NKAIN2: variants seen among roughly 807,000 people sequenced by gnomAD.
The protein encoded by NKAIN2 is sodium/potassium transporting ATPase interacting 2.
Under a neutral mutation model 32.6 loss-of-function variants are expected in NKAIN2, and 14 were observed. The observed-to-expected ratio is 0.43, with a 90% CI of 0.28 to 0.67. NKAIN2 has a LOEUF of 0.67. Among genes scored for constraint, NKAIN2 ranks in the 30% least tolerant of loss-of-function variants. NKAIN2 has a pLI of 0.17. For synonymous variants in NKAIN2, 80 were observed against 87.2 expected (o/e 0.92, Z 0.46); for missense variants, 198 against 258.3 (o/e 0.77, Z 1.60).
intron 1 of NKAIN2, among the ~76,000 whole-genome samples, chr6:123,950,620 A>T (rs1023811955): frequency 1.3e-5 from 2 of 151,516 alleles, no homozygotes; most frequent in African/African-American, 2.4e-5. Context: ...GATCTTTTGT[A>T]TTTGTATGGT....
At chr6:124,028,817 ATGTG>A in intron 1 of NKAIN2, among the ~76,000 whole-genome samples, 5 of 141,384 alleles carry the variant, frequency 3.5e-5, no homozygotes, top group African/African-American at 1.4e-4. Context: ...ATATACGTAT[ATGTG>A]TATATATATA....
intron 3 of NKAIN2, among the ~76,000 whole-genome samples, chr6:124,479,057 A>T (rs1158537955): frequency 6.6e-6 from 1 of 152,108 alleles, no homozygotes; most frequent in Non-Finnish European, 1.5e-5. Flanking sequence ...GACAAACACA[A>T]ATGGAGGGAT....
intron 1 of NKAIN2, among the ~76,000 whole-genome samples, chr6:123,821,644 G>T (rs1175827033): frequency 1.3e-5 from 2 of 152,150 alleles, no homozygotes; most frequent in Non-Finnish European, 2.9e-5. Context: ...TTTATACTGT[G>T]AGGGAGGCCT....
chr6:124,431,917 A>T (rs1775233907), intron 3 of NKAIN2, among the ~76,000 whole-genome samples: 1 of 152,208 alleles, frequency 6.6e-6, no homozygotes. Flanking sequence ...TATTTCACAT[A>T]TTTCAGATAC....
At chr6:124,486,609 G>T (rs530444787) in intron 3 of NKAIN2, among the ~76,000 whole-genome samples, 3 of 152,274 alleles carry the variant, frequency 2.0e-5, no homozygotes, top group South Asian at 2.1e-4. Flanking sequence ...TTGTCTAATA[G>T]TCTAGAAATA....
intron 3 of NKAIN2, among the ~76,000 whole-genome samples, chr6:124,498,182 G>A (rs566247030): frequency 2.1e-4 from 32 of 152,272 alleles, no homozygotes; most frequent in African/African-American, 7.7e-4. Flanking sequence ...CTGCACTCTT[G>A]AATACGAACT....
At chr6:124,009,984 A>G (rs887217923) in intron 1 of NKAIN2, among the ~76,000 whole-genome samples, 10 of 152,274 alleles carry the variant, frequency 6.6e-5, no homozygotes, top group African/African-American at 1.7e-4. Context: ...GCCTTCGTTC[A>G]TAAATCTTTC....
chr6:124,815,028 T>C (rs1781080297), intron 5 of NKAIN2, among the ~76,000 whole-genome samples: 1 of 151,772 alleles, frequency 6.6e-6, no homozygotes. Flanking sequence ...TCTTGATCTA[T>C]TGTAACCCAC....
chr6:124,804,562 C>T (rs927379946), intron 5 of NKAIN2: 12 of 191,576 alleles, frequency 6.3e-5, no homozygotes, highest in Middle Eastern at 2.6e-3. Context: ...CCAGCGTGAG[C>T]GACGCAGAAG....
At chr6:124,415,883 T>TTG (rs1379811308) in intron 3 of NKAIN2, among the ~76,000 whole-genome samples, 2 of 147,048 alleles carry the variant, frequency 1.4e-5, no homozygotes, top group Non-Finnish European at 1.5e-5. Context: ...ATTTGCTTTT[T>TTG]TTTTTTTTTT....
chr6:124,459,838 A>G (rs571656515), intron 3 of NKAIN2, among the ~76,000 whole-genome samples: 3 of 151,848 alleles, frequency 2.0e-5, no homozygotes, highest in African/African-American at 7.2e-5. Context: ...ATTTTGAAAA[A>G]TCTTAATCTT....
chr6:124,059,147 A>G (rs1205941387), intron 1 of NKAIN2, among the ~76,000 whole-genome samples: 1 of 152,180 alleles, frequency 6.6e-6, no homozygotes, highest in Non-Finnish European at 1.5e-5. Context: ...GACTGCAACT[A>G]GGAAAATTTG....
chr6:124,113,713 A>G (rs2114975048), intron 1 of NKAIN2, among the ~76,000 whole-genome samples: 1 of 151,932 alleles, frequency 6.6e-6, no homozygotes, highest in South Asian at 2.1e-4. Flanking sequence ...GAGCTTGGGC[A>G]TCTCTTTCTG....
At chr6:123,940,997 A>G (rs1259462717) in intron 1 of NKAIN2, among the ~76,000 whole-genome samples, 1 of 151,700 alleles carries the variant, frequency 6.6e-6, no homozygotes, top group African/African-American at 2.4e-5. Context: ...TTATTTCTTT[A>G]TGTCCTTAAT....
intron 1 of NKAIN2, among the ~76,000 whole-genome samples, chr6:124,191,887 G>T (rs802287): frequency 0.97 from 147,276 of 152,236 alleles, 71,274 homozygotes; most frequent in African/African-American, 0.98. Context: ...TTTTCTAAGT[G>T]TTCAAATTTA....
intron 3 of NKAIN2, among the ~76,000 whole-genome samples, chr6:124,444,871 A>T (rs1338366766): frequency 1.3e-5 from 2 of 152,002 alleles, no homozygotes; most frequent in Non-Finnish European, 2.9e-5. Context: ...AATGAATCTC[A>T]TGAATGCTTT....
At chr6:123,837,090 T>C (rs1012443957) in intron 1 of NKAIN2, among the ~76,000 whole-genome samples, 8 of 152,170 alleles carry the variant, frequency 5.3e-5, no homozygotes, top group Non-Finnish European at 1.2e-4. Context: ...ATCACCCATA[T>C]TTTGTTTTAC....
intron 3 of NKAIN2, among the ~76,000 whole-genome samples, chr6:124,516,265 C>G (rs1392591968): frequency 6.6e-6 from 1 of 151,988 alleles, no homozygotes; most frequent in Non-Finnish European, 1.5e-5. Flanking sequence ...GAGAATTTTA[C>G]AAAGAGAAGG....
chr6:124,079,028 G>A (rs141428282), intron 1 of NKAIN2, among the ~76,000 whole-genome samples: 83 of 151,736 alleles, frequency 5.5e-4, no homozygotes, highest in Admixed American at 1.5e-3. Context: ...TATCAGTGGG[G>A]GCAAAGAAAA....
Sources: gnomAD v4.1 joint callset for allele counts (sites outside exome capture counted in the v4.1 genomes callset) on GRCh38, gnomAD v4.1.1 for gene constraint, MANE v1.5 for transcripts, NCBI Gene and HGNC (gene_info 2026-07-23, HGNC 2026-07-21) for gene names.